The following TWIST2 variants were observed in gnomAD, a reference collection of about 807,000 sequenced individuals.
The protein encoded by TWIST2 is twist-related protein 2.
TWIST2 carries 1 observed loss-of-function variant against 11.6 expected under a neutral mutation model. The ratio of observed to expected loss-of-function variants is 0.09; its 90% CI spans 0.03 to 0.41. The LOEUF (loss-of-function observed/expected upper bound fraction) is 0.41, where lower values mean the gene tolerates loss of function less well. Ranked by LOEUF, TWIST2 falls within the 10% of genes least tolerant of loss-of-function variation. TWIST2 has a pLI of 0.98. For synonymous variants in TWIST2, 87 were observed against 96.6 expected, an observed-to-expected ratio of 0.90 and a Z score of 0.58; for missense variants, 168 against 226.4, an observed-to-expected ratio of 0.74 and a Z score of 1.66.
chr2:238,861,733 C>T (rs368788791), intron 1 of TWIST2, among the ~76,000 whole-genome samples: 4 of 152,192 alleles, frequency 2.6e-5, no homozygotes, highest in East Asian at 1.9e-4. Context: ...TCCATGGTTT[C>T]GCTTTTCGAA....
chr2:238,905,908 TGTGTGC>T (rs1693339729), intron 1 of TWIST2, among the ~76,000 whole-genome samples: 43 of 43,962 alleles, frequency 9.8e-4, no homozygotes, highest in African/African-American at 4.7e-3. Context: ...TGTGTGCGTG[TGTGTGC>T]GTGCAGGTGT....
At chr2:238,891,704 GCA>G (rs929296733) in intron 1 of TWIST2, among the ~76,000 whole-genome samples, 1 of 152,200 alleles carries the variant, frequency 6.6e-6, no homozygotes, top group African/African-American at 2.4e-5. Flanking sequence ...CTGGCTGACA[GCA>G]CCCTCACTCT....
At chr2:238,849,596 G>A (rs955754840) in intron 1 of TWIST2, among the ~76,000 whole-genome samples, 1 of 152,210 alleles carries the variant, frequency 6.6e-6, no homozygotes, top group African/African-American at 2.4e-5. Flanking sequence ...GATGGGCGAG[G>A]GGTCCAGGCT....
intron 1 of TWIST2, among the ~76,000 whole-genome samples, chr2:238,908,778 GGT>G (rs1693400174): frequency 6.7e-6 from 1 of 149,504 alleles, no homozygotes; most frequent in Non-Finnish European, 1.5e-5. Context: ...TTGTGTATGA[GGT>G]GTGTATGGAC....
chr2:238,892,357 G>T (rs1299636876), intron 1 of TWIST2, among the ~76,000 whole-genome samples: 1 of 152,260 alleles, frequency 6.6e-6, no homozygotes, highest in African/African-American at 2.4e-5. Context: ...AAGATACACA[G>T]GTGCTCCGCC....
chr2:238,848,730 C>T lies in TWIST2; in HGVS notation c.*32C>T. 6.8e-7 allele frequency: 1 copy of T among 1,463,018 alleles called. No homozygotes were observed. Among genetic ancestry groups the T allele is most frequent in the Non-Finnish European group, 9.0e-7 (1 of 1,109,380 alleles). The allele number at this position is 1,463,018 out of a possible 1,614,324, so 90.6% of individuals were successfully genotyped here. A position where few individuals can be genotyped will look rare whatever the true frequency, so the allele number is the denominator to read the frequency against. Reference sequence around the variant, plus strand: ...GCCACCCACCTCCGGACCGGCGCGCCAGGGTAGGTGCTGCGCGCGCGACGG... The same window carrying T: ...GCCACCCACCTCCGGACCGGCGCGCTAGGGTAGGTGCTGCGCGCGCGACGG... On this transcript the variant is annotated 3_prime_UTR_variant, in exon 1 of 2. Coordinates refer to ENST00000612363, the MANE Select transcript of TWIST2 (RefSeq NM_001271893.4).
chr2:238,905,918 CAGGTGTGCGTGT>C (rs1279159281), intron 1 of TWIST2, among the ~76,000 whole-genome samples: 19 of 112,842 alleles, frequency 1.7e-4, no homozygotes, highest in South Asian at 3.0e-4. Context: ...TGTGTGCGTG[CAGGTGTGCGTGT>C]GCGCGTGTGT....
chr2:238,852,253 A>G (rs950663134), intron 1 of TWIST2, among the ~76,000 whole-genome samples: 10 of 152,256 alleles, frequency 6.6e-5, no homozygotes, highest in African/African-American at 1.9e-4. Context: ...TAATAAGCCA[A>G]TTTTAAAGGC....
At chr2:238,892,104 C>A (rs1018129520) in intron 1 of TWIST2, among the ~76,000 whole-genome samples, 4 of 152,170 alleles carry the variant, frequency 2.6e-5, no homozygotes, top group Admixed American at 2.6e-4. Flanking sequence ...GCAGCCACTC[C>A]CACCTGCCCT....
chr2:238,861,900 A>C (rs1317770037), intron 1 of TWIST2, among the ~76,000 whole-genome samples: 1 of 152,232 alleles, frequency 6.6e-6, no homozygotes, highest in Non-Finnish European at 1.5e-5. Flanking sequence ...CATCAGACAG[A>C]AAACACATAC....
rs149132323 is a variant in TWIST2, at chr2:238,867,501, G to T, written c.*35+18768G>T. On this transcript the variant is annotated intron_variant, in intron 1 of 1. Coordinates refer to ENST00000612363, the MANE Select transcript of TWIST2 (RefSeq NM_001271893.4). The surrounding 1 kb of genome is among the most constrained non-coding windows in gnomAD (Gnocchi z 4.8). Reference sequence around the variant, plus strand: ...TAAAGAGAAGTCCCAGCCAGCTCCCGGGGTGGTGTGGGCTGAGGAAGAGGC... The same window carrying T: ...TAAAGAGAAGTCCCAGCCAGCTCCCTGGGTGGTGTGGGCTGAGGAAGAGGC... Among the ~76,000 whole-genome samples, 1 of 151,976 alleles carries T rather than the reference G, an allele frequency of 6.6e-6. No homozygotes were observed. Among genetic ancestry groups the T allele is most frequent in the Admixed American group, 6.5e-5 (1 of 15,272 alleles).
intron 1 of TWIST2, among the ~76,000 whole-genome samples, chr2:238,848,955 G>A (rs1024834165): frequency 3.9e-5 from 6 of 152,116 alleles, no homozygotes; most frequent in Non-Finnish European, 8.8e-5. Context: ...TGTCAGTTGG[G>A]AACCGGCGGA....
At chr2:238,871,507 C>A (rs1283878298) in intron 1 of TWIST2, among the ~76,000 whole-genome samples, 1 of 108,532 alleles carries the variant, frequency 9.2e-6, no homozygotes. Context: ...ACACCACACC[C>A]CACACATACC....
chr2:238,856,797 C>T (rs528045054), intron 1 of TWIST2, among the ~76,000 whole-genome samples: 41 of 152,276 alleles, frequency 2.7e-4, no homozygotes, highest in African/African-American at 8.9e-4. Context: ...ACCCTTCCTG[C>T]CGTTCTCAGA....
In TWIST2 at chr2:238,848,200, G is replaced by A; in HGVS notation, c.-16G>A. On this transcript the variant is annotated 5_prime_UTR_variant, in exon 1 of 2. Coordinates refer to ENST00000612363, the MANE Select transcript of TWIST2 (RefSeq NM_001271893.4). Reference sequence around the variant, plus strand: ...CGCCCCGGCGCCCCCAGCCCCACGCGCGCCGGGCGGGCGCCATGGAGGAGG... The same window carrying A: ...CGCCCCGGCGCCCCCAGCCCCACGCACGCCGGGCGGGCGCCATGGAGGAGG... 2 of 1,276,096 alleles carry A rather than the reference G, an allele frequency of 1.6e-6. No individual in the cohort carries two copies. The highest frequency in any genetic ancestry group is 2.0e-6 in the Non-Finnish European group (2 of 1,013,758). 79.0% of individuals were successfully genotyped at this position (1,276,096 alleles called of 1,614,324 possible). A position where few individuals can be genotyped will look rare whatever the true frequency, so the allele number is the denominator to read the frequency against.
At chr2:238,902,255 TTGTA>T (rs1693276367) in intron 1 of TWIST2, among the ~76,000 whole-genome samples, 1 of 144,146 alleles carries the variant, frequency 6.9e-6, no homozygotes, top group Non-Finnish European at 1.5e-5. Flanking sequence ...GGTAAGGAGT[TTGTA>T]TGAATTGGGG....
intron 1 of TWIST2, among the ~76,000 whole-genome samples, chr2:238,870,521 C>G (rs1239768755): frequency 7.1e-6 from 1 of 141,032 alleles, no homozygotes; most frequent in African/African-American, 2.7e-5. Context: ...ATACCACACA[C>G]AAACCACACA....
At chr2:238,898,451 G>T (rs1693231182) in intron 1 of TWIST2, among the ~76,000 whole-genome samples, 1 of 152,232 alleles carries the variant, frequency 6.6e-6, no homozygotes, top group African/African-American at 2.4e-5. Context: ...GCTGGTCCAG[G>T]GACCAACTGG....
rs1309156020 is a variant in TWIST2 at position 238,867,917 on chromosome 2, T to C, written c.*35+19184T>C. On this transcript the variant is annotated intron_variant, in intron 1 of 1. Coordinates refer to ENST00000612363, the MANE Select transcript of TWIST2 (RefSeq NM_001271893.4). The surrounding 1 kb of genome is among the most constrained non-coding windows in gnomAD (Gnocchi z 4.8). ...CAGAAGGAGCAGGTGGGCTGAAGAA[T>C]GTGTTGGAGCAGAGACTGTGGTCAG... Among the ~76,000 whole-genome samples, 1 of 152,054 alleles carries C rather than the reference T, an allele frequency of 6.6e-6. No individual in the cohort carries two copies.
Sources: gnomAD v4.1 joint callset for allele counts (sites outside exome capture counted in the v4.1 genomes callset) on GRCh38, gnomAD v4.1.1 for gene constraint, Gnocchi (gnomAD v3.1) non-coding constraint, MANE v1.5 for transcripts, NCBI Gene and HGNC (gene_info 2026-07-23, HGNC 2026-07-21) for gene names.